Variants in DPH6 observed in about 807,000 individuals in gnomAD.
The protein encoded by DPH6 is diphthine--ammonia ligase.
In DPH6, 33 loss-of-function variants were observed where a neutral mutation model predicts 38.2. That is an observed-to-expected ratio of 0.86 (90% CI 0.65 to 1.15). DPH6 has a LOEUF of 1.15. Ranked by LOEUF, DPH6 falls within the 50% of genes most tolerant of loss-of-function variation. The pLI, the probability that DPH6 is intolerant of heterozygous loss-of-function variation, is 0.00. For missense variants in DPH6, 325 were observed against 320.0 expected (o/e 1.02, Z -0.12); for synonymous variants, 108 against 103.0 (o/e 1.05, Z -0.30).
rs192507239 is a variant in DPH6 at position 35,323,650 on chromosome 15, G to A, written n.200+49871C>T. Among the ~76,000 whole-genome samples the A allele has an allele frequency of 6.7e-4, 102 of 151,214 alleles. 1 individual carries two copies. Among genetic ancestry groups the A allele is most frequent in the African/African-American group, 2.3e-3 (93 of 40,586 alleles). On this transcript the variant is annotated intron_variant and non_coding_transcript_variant, in intron 3 of 3. Transcript: ENST00000560386. ...CATCTTTATGTATTGTTTGCCCAAG[G>A]AGAATTCATTTAAAAGTAAGGATTA...
chr15:35,343,130 T>A (rs1247841760), intron 3 of DPH6, among the ~76,000 whole-genome samples: 1 of 152,174 alleles, frequency 6.6e-6, no homozygotes, highest in African/African-American at 2.4e-5. Flanking sequence ...TTATCAACTA[T>A]CTAGTCAATG....
At chr15:35,385,375 C>G (rs532409809) in intron 6 of DPH6, among the ~76,000 whole-genome samples, 1 of 152,266 alleles carries the variant, frequency 6.6e-6, no homozygotes, top group Admixed American at 6.5e-5. Context: ...CCCAAATGCC[C>G]ATCAATAATA....
chr15:35,317,261 A>AAAAG (rs1337816889), intron 3 of DPH6, among the ~76,000 whole-genome samples: 10 of 140,364 alleles, frequency 7.1e-5, no homozygotes, highest in African/African-American at 2.7e-4. Context: ...GACTCTGAAA[A>AAAAG]AAAGAAAGAA....
At chr15:35,440,564 G>A (rs1247739189) in intron 5 of DPH6, among the ~76,000 whole-genome samples, 4 of 152,132 alleles carry the variant, frequency 2.6e-5, no homozygotes, top group Non-Finnish European at 4.4e-5. Context: ...TCAGCAGTAT[G>A]CAGTAAAGAT....
At chr15:35,488,983 A>G (rs2054441286) in intron 3 of DPH6, among the ~76,000 whole-genome samples, 1 of 113,044 alleles carries the variant, frequency 8.8e-6, no homozygotes, top group African/African-American at 5.0e-5. Flanking sequence ...TTTTGCCAGG[A>G]AAAAAAAAAA....
intron 6 of DPH6, chr15:35,401,064 C>A: frequency 1.1e-6 from 1 of 898,276 alleles, no homozygotes; most frequent in Non-Finnish European, 1.8e-6. Flanking sequence ...TTATTTTCAA[C>A]AGTACAGAAA....
chr15:35,418,242 A>G (rs918636672), intron 5 of DPH6, among the ~76,000 whole-genome samples: 54 of 152,258 alleles, frequency 3.5e-4, no homozygotes, highest in African/African-American at 1.3e-3. Flanking sequence ...TCACTGAGAC[A>G]ATTACATTAG....
intron 3 of DPH6, among the ~76,000 whole-genome samples, chr15:35,252,871 A>G (rs2051683861): frequency 6.6e-6 from 1 of 152,248 alleles, no homozygotes; most frequent in South Asian, 2.1e-4. Context: ...TTGATGTTAT[A>G]GTTAGAAAAC....
chr15:35,312,727 CT>C (rs1397408740), intron 3 of DPH6, among the ~76,000 whole-genome samples: 1 of 152,186 alleles, frequency 6.6e-6, no homozygotes, highest in Non-Finnish European at 1.5e-5. Context: ...CTATTTCCTT[CT>C]TTTGCATATA....
intron 3 of DPH6, chr15:35,520,132 T>C (rs1370520562): frequency 4.7e-6 from 1 of 214,620 alleles, no homozygotes; most frequent in African/African-American, 2.4e-5. Context: ...TTTGCATACT[T>C]TTGTCTAAAA....
At chr15:35,151,388 C>T in the DPH6 span, among the ~76,000 whole-genome samples, 2 of 152,166 alleles carry the variant, frequency 1.3e-5, no homozygotes, top group Non-Finnish European at 2.9e-5. Context: ...ATTGATGTCT[C>T]TGGTCCATGG....
intron 6 of DPH6, among the ~76,000 whole-genome samples, chr15:35,388,763 T>C (rs1281552977): frequency 6.6e-6 from 1 of 152,220 alleles, no homozygotes; most frequent in East Asian, 1.9e-4. Flanking sequence ...TAGCAGTCTA[T>C]CAATTTTGTT....
intron 6 of DPH6, among the ~76,000 whole-genome samples, chr15:35,385,273 T>C (rs1208113158): frequency 1.3e-5 from 2 of 152,198 alleles, no homozygotes; most frequent in African/African-American, 4.8e-5. Flanking sequence ...ACCAGATATA[T>C]ACCCAAAGGA....
intron 7 of DPH6, among the ~76,000 whole-genome samples, 171 bp downstream of exon 7, chr15:35,381,651 T>G (rs1259477049): frequency 1.3e-5 from 2 of 152,188 alleles, no homozygotes; most frequent in African/African-American, 4.8e-5. Flanking sequence ...TCTTGTCAGG[T>G]ATTGATTTAG....
intron 3 of DPH6, among the ~76,000 whole-genome samples, chr15:35,535,799 C>T (rs1281437020): frequency 3.3e-5 from 5 of 152,078 alleles, no homozygotes; most frequent in African/African-American, 9.7e-5. Context: ...GAGACAAAGG[C>T]TTATTACATT....
intron 6 of DPH6, among the ~76,000 whole-genome samples, chr15:35,387,959 G>C (rs1352346727): frequency 1.3e-5 from 2 of 152,026 alleles, no homozygotes; most frequent in African/African-American, 4.8e-5. Context: ...TGTCCATTCA[G>C]TATGATATTG....
intron 3 of DPH6, among the ~76,000 whole-genome samples, chr15:35,241,984 A>G (rs1255492379): frequency 7.0e-6 from 1 of 143,520 alleles, no homozygotes; most frequent in Non-Finnish European, 1.5e-5. Context: ...CCTATCCTCA[A>G]TACCTCCCTC....
chr15:35,338,230 C>T (rs970520590), intron 3 of DPH6, among the ~76,000 whole-genome samples: 20 of 152,014 alleles, frequency 1.3e-4, no homozygotes, highest in South Asian at 1.0e-3. Context: ...AAACTACCAT[C>T]AGAGTGAACA....
At chr15:35,362,074 C>T (rs1257602114) in intron 3 of DPH6, among the ~76,000 whole-genome samples, 1 of 152,104 alleles carries the variant, frequency 6.6e-6, no homozygotes, top group Non-Finnish European at 1.5e-5. Context: ...TATAAAGTGG[C>T]TTCACACAGG....
Sources: allele counts gnomAD v4.1 joint callset (sites outside exome capture counted in the v4.1 genomes callset), GRCh38; gene constraint gnomAD v4.1.1; transcripts MANE v1.5; gene names NCBI Gene and HGNC (gene_info 2026-07-23, HGNC 2026-07-21).